Variants in POLR3GL observed in about 807,000 individuals in gnomAD.
POLR3GL encodes DNA-directed RNA polymerase III subunit RPC7-like.
POLR3GL carries 26 observed loss-of-function variants against 32.4 expected under a neutral mutation model. The ratio of observed to expected loss-of-function variants is 0.80; its 90% CI spans 0.59 to 1.11. The LOEUF is 1.11. Among genes scored for constraint, POLR3GL ranks in the 50% most tolerant of loss-of-function variants. POLR3GL has a pLI of 0.00. For missense variants in POLR3GL, 229 were observed against 280.1 expected, an observed-to-expected ratio of 0.82 and a Z score of 1.30; for synonymous variants, 95 against 98.7, an observed-to-expected ratio of 0.96 and a Z score of 0.22.
At chr1:145,977,409 C>T in intron 4 of POLR3GL, 74 bp from the exon 5 acceptor site, 3 of 1,457,028 alleles carry the variant, frequency 2.1e-6, no homozygotes, top group Non-Finnish European at 2.9e-6. Flanking sequence ...CCTCACCCCC[C>T]TTTAAAACCA....
chr1:145,977,271 C>T, intron 4 of POLR3GL, 119 bp downstream of exon 4: 1 of 971,096 alleles, frequency 1.0e-6, no homozygotes, highest in Non-Finnish European at 1.7e-6. Flanking sequence ...CAAGCTAGAG[C>T]CTTAGTTATG....
chr1:145,971,547 C>T (rs915971789), intron 1 of POLR3GL, among the ~76,000 whole-genome samples: 1 of 152,120 alleles, frequency 6.6e-6, no homozygotes, highest in South Asian at 2.1e-4. Flanking sequence ...ACCATTTTAT[C>T]ATGTAATTTT....
intron 2 of POLR3GL, 127 bp from the exon 3 acceptor site, chr1:145,975,180 G>T (rs782447684): frequency 5.2e-6 from 7 of 1,353,182 alleles, no homozygotes; most frequent in African/African-American, 1.5e-5. Context: ...AAAATAATAT[G>T]TTACTCCCTC....
rs144456045 is a variant in POLR3GL at position 145,966,924 on chromosome 1, C to T, written c.-42+2156C>T. Among the ~76,000 whole-genome samples, 517 of 152,114 alleles carry T rather than the reference C, an allele frequency of 3.4e-3. 3 individuals carry two copies. The highest frequency in any genetic ancestry group is 0.012 in the African/African-American group (489 of 41,480). On this transcript the variant is annotated intron_variant, in intron 1 of 7. Transcript: ENST00000369314. Reference sequence around the variant, plus strand: ...TAGCTCTTTGATGAATATCCTTTTACTTATATCTGTGACTGTATATCTGTT... The same window carrying T: ...TAGCTCTTTGATGAATATCCTTTTATTTATATCTGTGACTGTATATCTGTT...
At chr1:145,972,012 A>G (rs56674994) in intron 1 of POLR3GL, among the ~76,000 whole-genome samples, 2 of 112,622 alleles carry the variant, frequency 1.8e-5, no homozygotes, top group African/African-American at 8.2e-5. Context: ...ATATATATAT[A>G]CGTGTGTGTG....
chr1:145,977,680 CAT>C (rs1188388320), intron 5 of POLR3GL, 96 bp from the exon 6 acceptor site: 2 of 1,349,064 alleles, frequency 1.5e-6, no homozygotes, highest in Non-Finnish European at 2.1e-6. Context: ...ATAGTGGCCA[CAT>C]GAGGGCAGCA....
At position 145,974,813 on chromosome 1, in the gene POLR3GL, T is replaced by G; in HGVS notation, c.-41-12T>G. 6.9e-7 allele frequency: 1 copy of G among 1,443,328 alleles called. No individual in the cohort carries two copies. 89.4% of individuals were successfully genotyped at this position (1,443,328 alleles called of 1,614,324 possible). A position where few individuals can be genotyped will look rare whatever the true frequency, so the allele number is the denominator to read the frequency against. On this transcript the variant is annotated splice_polypyrimidine_tract_variant and intron_variant, in intron 1 of 7. Coordinates refer to ENST00000369314, the MANE Select transcript of POLR3GL (RefSeq NM_032305.3). The stretch of plus-strand genomic sequence containing the variant: ...CTACATTTCTTTTTCTCTTTGTTTT[T>G]GTCTTTATTAGGTTTATTCACTGGA...
At chr1:145,967,412 G>A (rs587657871) in intron 1 of POLR3GL, among the ~76,000 whole-genome samples, 2 of 152,226 alleles carry the variant, frequency 1.3e-5, no homozygotes, top group African/African-American at 4.8e-5. Flanking sequence ...CTGGCCTCAA[G>A]TGATCTGTCC....
chr1:145,965,019 TC>T (rs1559250962), intron 1 of POLR3GL, among the ~76,000 whole-genome samples: 1 of 152,102 alleles, frequency 6.6e-6, no homozygotes, highest in Non-Finnish European at 1.5e-5. Context: ...AGCATCAACT[TC>T]CCCCTAATCT....
chr1:145,978,190 G>C, intron 7 of POLR3GL, 94 bp downstream of exon 7: 1 of 1,524,186 alleles, frequency 6.6e-7, no homozygotes. Flanking sequence ...AACAGAGATA[G>C]TGCCCCCCAG....
intron 1 of POLR3GL, among the ~76,000 whole-genome samples, chr1:145,967,811 A>C (rs587634734): frequency 6.6e-6 from 1 of 152,314 alleles, no homozygotes; most frequent in East Asian, 1.9e-4. Flanking sequence ...TATCCATAGA[A>C]TCTAGAACAG....
At chr1:145,977,577 T>G in intron 5 of POLR3GL, 38 bp downstream of exon 5, 2 of 1,571,950 alleles carry the variant, frequency 1.3e-6, no homozygotes, top group Non-Finnish European at 1.8e-6. Flanking sequence ...GAAGAGAGGT[T>G]TCCTTCATCA....
intron 4 of POLR3GL, 88 bp downstream of exon 4, chr1:145,977,240 C>T: frequency 8.6e-7 from 1 of 1,163,988 alleles, no homozygotes; most frequent in Non-Finnish European, 1.3e-6. Flanking sequence ...GACCCCACCC[C>T]ATTCCCCGAT....
At chr1:145,972,018 G>A (rs2101935712) in intron 1 of POLR3GL, among the ~76,000 whole-genome samples, 1 of 136,124 alleles carries the variant, frequency 7.3e-6, no homozygotes, top group African/African-American at 2.9e-5. Context: ...ATATACGTGT[G>A]TGTGTGTGTG....
intron 1 of POLR3GL, among the ~76,000 whole-genome samples, chr1:145,965,727 A>G (rs376219404): frequency 6.6e-6 from 1 of 152,192 alleles, no homozygotes; most frequent in African/African-American, 2.4e-5. Context: ...AGATCATTCA[A>G]TTTTTTGATA....
chr1:145,974,970 G>A lies in POLR3GL; in HGVS notation c.105G>A (p.Leu35=). Residue 35 remains leucine, a synonymous_variant, in exon 2 of 8, where the codon CTG becomes CTA. Coordinates refer to ENST00000369314, the MANE Select transcript of POLR3GL (RefSeq NM_032305.3). ...GGGATGCTTTGCCCCCACCCACCCTGCAGCCTTCTCCACTCTTCCCTGTGA... is the reference window on the plus strand; with the variant it reads ...GGGATGCTTTGCCCCCACCCACCCTACAGCCTTCTCCACTCTTCCCTGTGA... ...GKGDALPPPT[L]QPSPLFPPLE... 6.6e-7 allele frequency: 1 copy of A among 1,519,812 alleles called. No individual in the cohort carries two copies. The highest frequency in any genetic ancestry group is 8.8e-7 in the Non-Finnish European group (1 of 1,138,998). The allele number at this position is 1,519,812 out of a possible 1,614,324, so 94.1% of individuals were successfully genotyped here.
intron 1 of POLR3GL, among the ~76,000 whole-genome samples, chr1:145,973,961 T>TAA (rs35199064): frequency 0.024 from 2,483 of 104,826 alleles, 116 homozygotes; most frequent in African/African-American, 0.086. Flanking sequence ...TCCAGTCTCT[T>TAA]AAAAAAAAAA....
intron 1 of POLR3GL, among the ~76,000 whole-genome samples, chr1:145,967,141 T>G (rs1553762156): frequency 6.6e-6 from 1 of 152,120 alleles, no homozygotes; most frequent in Admixed American, 6.6e-5. Context: ...CTTTGTCACT[T>G]TCATAGGTGA....
intron 1 of POLR3GL, among the ~76,000 whole-genome samples, chr1:145,965,269 A>G (rs1553761869): frequency 6.6e-6 from 1 of 152,240 alleles, no homozygotes; most frequent in Non-Finnish European, 1.5e-5. Context: ...ATAGTGCCCA[A>G]TAAACGTTAG....
Sources: gnomAD v4.1 joint callset for allele counts (sites outside exome capture counted in the v4.1 genomes callset) on GRCh38, gnomAD v4.1.1 for gene constraint, MANE v1.5 for transcripts, NCBI Gene and HGNC (gene_info 2026-07-23, HGNC 2026-07-21) for gene names.